The following INPP5D variants were observed in gnomAD, a reference collection of about 807,000 sequenced individuals.
The protein encoded by INPP5D is inositol polyphosphate-5-phosphatase D.
A neutral mutation model predicts 122.9 loss-of-function variants in INPP5D; 33 were observed. The ratio of observed to expected loss-of-function variants is 0.27; its 90% CI spans 0.20 to 0.36. The LOEUF (loss-of-function observed/expected upper bound fraction) is 0.36. INPP5D is among the 10% of genes least tolerant of loss of function. The probability of loss-of-function intolerance (pLI) is 1.00; values close to 1 mark genes in which losing one functional copy is unlikely to be tolerated. For synonymous variants in INPP5D, 584 were observed against 576.2 expected (o/e 1.01, Z -0.19); for missense variants, 1,053 against 1,412.7 (o/e 0.75, Z 4.08).
At chr2:233,162,788 A>G (rs1330512602) in intron 11 of INPP5D, among the ~76,000 whole-genome samples, 3 of 152,216 alleles carry the variant, frequency 2.0e-5, no homozygotes, top group Admixed American at 2.0e-4. Flanking sequence ...GGGCCACAGC[A>G]GCCGTGGAGT....
chr2:233,165,587 AGT>A (rs1294598436), intron 13 of INPP5D, among the ~76,000 whole-genome samples: 5 of 105,074 alleles, frequency 4.8e-5, no homozygotes, highest in South Asian at 3.1e-4. Flanking sequence ...TGTGTTTGTG[AGT>A]GTGTGTTTAT....
At position 233,075,595 on chromosome 2, in the gene INPP5D, G is replaced by GCA. The variant is rs1691498930; in HGVS notation, c.135-3740_135-3739insCA. On this transcript the variant is annotated intron_variant, in intron 1 of 26. Coordinates refer to ENST00000445964, the MANE Select transcript of INPP5D (RefSeq NM_001017915.3). The stretch of plus-strand genomic sequence containing the variant: ...GTATGCATATGTTGTGTGTGCACAT[G>GCA]TATATGTGTGTGTGTGTGTGTGTAT... Among the ~76,000 whole-genome samples, 8 of 150,792 alleles carry GCA rather than the reference G, an allele frequency of 5.3e-5. No individual in the cohort carries two copies. In the South Asian group the frequency reaches 1.7e-3, roughly 32 times the overall value.
chr2:233,169,019 G>A (rs1187410979), intron 13 of INPP5D: 7 of 378,080 alleles, frequency 1.9e-5, no homozygotes, highest in Non-Finnish European at 3.0e-5. Flanking sequence ...CTGGCTGCCC[G>A]CTTAGCACCC....
Position 233,170,371 on chromosome 2 carries a change from A to G in INPP5D, c.1792-125A>G. On this transcript the variant is annotated intron_variant, in intron 15 of 26. Coordinates refer to ENST00000445964, the MANE Select transcript of INPP5D (RefSeq NM_001017915.3). This position sits in a 1 kb window ranked among gnomAD's most constrained non-coding sequence, Gnocchi z 4.5. ...CTCACACCCGGTTCCCATAACTGTCACAGCCACCCTGCCACCATCACTCTG... is the reference window on the plus strand; with the variant it reads ...CTCACACCCGGTTCCCATAACTGTCGCAGCCACCCTGCCACCATCACTCTG... 6.6e-7 allele frequency: 1 copy of G among 1,505,650 alleles called. No homozygotes were observed. The highest frequency in any genetic ancestry group is 8.9e-7 in the Non-Finnish European group (1 of 1,119,156). The allele number at this position is 1,505,650 out of a possible 1,614,324, so 93.3% of individuals were successfully genotyped here.
Position 233,181,225 on chromosome 2 carries a change from A to G in INPP5D, c.2072-1185A>G, listed in dbSNP as rs553406740. Among the ~76,000 whole-genome samples the G allele has an allele frequency of 2.6e-5, 4 of 152,026 alleles. No individual in the cohort carries two copies. In the South Asian group the frequency reaches 6.2e-4, roughly 24 times the overall value. On this transcript the variant is annotated intron_variant, in intron 18 of 26. Transcript: ENST00000445964. ...AGCTTTTTTTCTTTTCATGTTTATT[A>G]GCCATCTGTATTTTTTGGTGAATTT...
In INPP5D at chr2:233,180,926, G is replaced by A. The variant is rs1467997844; in HGVS notation, c.2072-1484G>A. ...TGGCCTCAAGTGATCCACCCACCTC[G>A]GCCTCCCAAAGTGCTGGGATTACAG... On this transcript the variant is annotated intron_variant, in intron 18 of 26. Transcript: ENST00000445964. 2.6e-5 allele frequency among the ~76,000 whole-genome samples: 4 copies of A among 152,056 alleles called. No homozygotes were observed. The East Asian group carries it at 5.8e-4, about 22-fold the overall frequency.
intron 2 of INPP5D, among the ~76,000 whole-genome samples, chr2:233,112,236 G>A: frequency 6.6e-6 from 1 of 152,058 alleles, no homozygotes; most frequent in South Asian, 2.1e-4. Flanking sequence ...TCCACTGTGG[G>A]GAGGAGCCGT....
chr2:233,185,566 TG>T (rs111405601), intron 20 of INPP5D, among the ~76,000 whole-genome samples: 3,802 of 151,956 alleles, frequency 0.025, 63 homozygotes, highest in African/African-American at 0.042. Context: ...CTTTGTTGCC[TG>T]GTTTGTTGCA....
chr2:233,099,107 T>C lies in INPP5D; in HGVS notation c.198+19709T>C, dbSNP rs1356506508. On this transcript the variant is annotated intron_variant, in intron 2 of 26. Transcript: ENST00000445964. Reference sequence around the variant, plus strand: ...TTGGGATTATAAGTGTGCGTCACCATGTCTGGCTAATTTTTGTATTTATAG... The same window carrying C: ...TTGGGATTATAAGTGTGCGTCACCACGTCTGGCTAATTTTTGTATTTATAG... 1.3e-5 allele frequency among the ~76,000 whole-genome samples: 2 copies of C among 152,068 alleles called. 1 individual carries two copies. The highest frequency in any genetic ancestry group is 3.9e-4 in the East Asian group (2 of 5,186).
chr2:233,174,142 C>T (rs1400395725), intron 17 of INPP5D, among the ~76,000 whole-genome samples: 1 of 152,190 alleles, frequency 6.6e-6, no homozygotes, highest in East Asian at 1.9e-4. Context: ...TTAACATTTT[C>T]TTATAAGTAG....
chr2:233,066,568 T>C (rs1256713763), intron 1 of INPP5D, among the ~76,000 whole-genome samples: 1 of 152,172 alleles, frequency 6.6e-6, no homozygotes, highest in Non-Finnish European at 1.5e-5. Context: ...TGAGGTATAA[T>C]TCATATTCCA....
intron 2 of INPP5D, among the ~76,000 whole-genome samples, chr2:233,101,377 G>T (rs973071072): frequency 2.6e-5 from 4 of 152,014 alleles, no homozygotes; most frequent in African/African-American, 9.7e-5. Context: ...AAGTCCTGGC[G>T]AGGTCTGCCT....
chr2:233,153,027 G>A (rs548463707), intron 9 of INPP5D, among the ~76,000 whole-genome samples: 14 of 152,340 alleles, frequency 9.2e-5, no homozygotes, highest in Admixed American at 6.5e-4. Flanking sequence ...AAAGGTGAAC[G>A]GGGTGGGAAC....
chr2:233,118,666 A>C (rs1168889894), intron 2 of INPP5D, among the ~76,000 whole-genome samples: 1 of 152,196 alleles, frequency 6.6e-6, no homozygotes, highest in African/African-American at 2.4e-5. Context: ...CTGCGGGCCC[A>C]CTGCACACAG....
intron 4 of INPP5D, among the ~76,000 whole-genome samples, chr2:233,126,124 C>T (rs1693150155): frequency 6.6e-6 from 1 of 152,226 alleles, no homozygotes; most frequent in Non-Finnish European, 1.5e-5. Flanking sequence ...TGGGCCTTAA[C>T]AGGAAAAGTG....
chr2:233,065,474 A>AT (rs61637964), intron 1 of INPP5D, among the ~76,000 whole-genome samples: 96,462 of 103,408 alleles, frequency 0.93, 45,406 homozygotes, highest in East Asian at 0.99. Context: ...CACCGGGCTA[A>AT]TTTTTTTTTT....
rs1189155469 is a variant in INPP5D, at chr2:233,170,498, G to A, written c.1794G>A (p.Glu598=). The stretch of plus-strand genomic sequence containing the variant: ...GCCCGGGCATGTTCTTGTTCCAGGA[G>A]GCAGAAACCATCATCCAGAAAATCA... The part of the protein sequence containing the change: ...LNYRVDLPTW[E]AETIIQKIKQ... Residue 598 remains glutamate (E), a splice_region_variant and synonymous_variant, in exon 16 of 27, where the codon GAG becomes GAA. Coordinates refer to ENST00000445964, the MANE Select transcript of INPP5D (RefSeq NM_001017915.3). The surrounding 1 kb of genome is among the most constrained non-coding windows in gnomAD (Gnocchi z 4.5). 8 of 1,613,668 alleles carry A rather than the reference G, an allele frequency of 5.0e-6. No individual in the cohort carries two copies. Among genetic ancestry groups the A allele is most frequent in the East Asian group, 2.2e-5 (1 of 44,874 alleles).
chr2:233,080,804 G>A lies in INPP5D; in HGVS notation c.198+1406G>A, dbSNP rs372669330. Among the ~76,000 whole-genome samples, 4 of 152,310 alleles carry A rather than the reference G, an allele frequency of 2.6e-5. No homozygotes were observed. The East Asian group carries it at 5.8e-4, about 22-fold the overall frequency. On this transcript the variant is annotated intron_variant, in intron 2 of 26. Transcript: ENST00000445964. Reference sequence around the variant, plus strand: ...AAGTTGTCAAGAGGGAGAGCGTGGTGAGCAGAACGCCCCTCAGGAAGACAG... The same window carrying A: ...AAGTTGTCAAGAGGGAGAGCGTGGTAAGCAGAACGCCCCTCAGGAAGACAG...
In INPP5D at chr2:233,204,405, C is replaced by G; in HGVS notation, c.3255C>G (p.Ser1085=). Residue 1085 remains serine, a synonymous_variant, in exon 26 of 27, where the codon TCC becomes TCG. Coordinates refer to ENST00000445964, the MANE Select transcript of INPP5D (RefSeq NM_001017915.3). The stretch of plus-strand genomic sequence containing the variant: ...AGGTGCCCGCGCCCCGGCTGCGCTC[C>G]TTCACGTGCTCATCCTCTGCCGAGG... The part of the protein sequence containing the change: ...GKQVPAPRLR[S]FTCSSSAEGR... 1 of 1,610,474 alleles carries G rather than the reference C, an allele frequency of 6.2e-7. No individual in the cohort carries two copies. The highest frequency in any genetic ancestry group is 1.7e-4 in the Middle Eastern group (1 of 6,054).
Sources: allele counts gnomAD v4.1 joint callset (sites outside exome capture counted in the v4.1 genomes callset), GRCh38; gene constraint gnomAD v4.1.1; non-coding constraint Gnocchi (gnomAD v3.1); transcripts MANE v1.5; gene names NCBI Gene and HGNC (gene_info 2026-07-23, HGNC 2026-07-21).